Variants in KIF26B observed in about 807,000 individuals in gnomAD.
KIF26B encodes the protein kinesin family member 26B.
Under a neutral mutation model 151.2 loss-of-function variants are expected in KIF26B, and 63 were observed. The observed-to-expected ratio is 0.42, with a 90% CI of 0.34 to 0.51. The LOEUF is 0.51. KIF26B is among the 20% of genes least tolerant of loss of function. The pLI is 0.07. For synonymous variants in KIF26B, 1,357 were observed against 1,262.1 expected, an observed-to-expected ratio of 1.08 and a Z score of -1.59; for missense variants, 2,813 against 2,913.6, an observed-to-expected ratio of 0.97 and a Z score of 0.79.
chr1:245,338,380 C>G (rs1447192761), intron 2 of KIF26B, among the ~76,000 whole-genome samples: 1 of 152,176 alleles, frequency 6.6e-6, no homozygotes, highest in African/African-American at 2.4e-5. Flanking sequence ...TTCCTCCTTC[C>G]CCTCAGCAGA....
At chr1:245,494,752 C>T (rs1429871719) in intron 4 of KIF26B, among the ~76,000 whole-genome samples, 1 of 152,038 alleles carries the variant, frequency 6.6e-6, no homozygotes, top group Non-Finnish European at 1.5e-5. Context: ...TAAAAAGAAA[C>T]TGGGGCCAGG....
At chr1:245,196,671 T>C (rs1465332409) in intron 2 of KIF26B, among the ~76,000 whole-genome samples, 1 of 152,144 alleles carries the variant, frequency 6.6e-6, no homozygotes, top group Non-Finnish European at 1.5e-5. Flanking sequence ...CTCAGAATTC[T>C]CCCTTGGATA....
intron 3 of KIF26B, among the ~76,000 whole-genome samples, chr1:245,391,672 A>G (rs819878): frequency 0.42 from 61,194 of 147,328 alleles, 14,651 homozygotes; most frequent in South Asian, 0.62. Context: ...AAAAAAAAAA[A>G]AGAGAGAGAT....
intron 4 of KIF26B, among the ~76,000 whole-genome samples, chr1:245,531,844 T>A (rs1661367976): frequency 6.6e-6 from 1 of 152,150 alleles, no homozygotes; most frequent in Admixed American, 6.5e-5. Flanking sequence ...CACCTGTTAT[T>A]CCTGCACTTT....
intron 3 of KIF26B, among the ~76,000 whole-genome samples, chr1:245,408,441 G>A (rs148285799): frequency 1.2e-3 from 162 of 136,154 alleles, no homozygotes; most frequent in African/African-American, 3.9e-3. Context: ...TGCAACCTCC[G>A]CCTCCTGGGT....
chr1:245,627,118 T>C (rs2043732182), intron 9 of KIF26B, among the ~76,000 whole-genome samples: 1 of 152,222 alleles, frequency 6.6e-6, no homozygotes, highest in Non-Finnish European at 1.5e-5. Context: ...TACCAGCCTG[T>C]TTTATGTTAC....
chr1:245,157,311 GC>G (rs1249182743), intron 2 of KIF26B, among the ~76,000 whole-genome samples: 5 of 152,172 alleles, frequency 3.3e-5, no homozygotes, highest in Non-Finnish European at 7.3e-5. Context: ...TGTGTGACTG[GC>G]CCGAGCCCCC....
rs138853411 is a variant in KIF26B, at chr1:245,162,375, CTTTTTTTTTTT to C, written c.465+5710_465+5720del. Among the ~76,000 whole-genome samples the C allele has an allele frequency of 1.0e-4, 8 of 76,494 alleles. 1 individual carries two copies. The highest frequency in any genetic ancestry group is 7.5e-4 in the South Asian group (1 of 1,326). The allele number at this position is 76,494 out of a possible 152,430, so 50.2% of individuals were successfully genotyped here. ...CTATAGATGCACCCATCAGAAATAT[CTTTTTTTTTTT>C]TTTTTTTTTTTTTTTTTGAGACGGA... On this transcript the variant is annotated intron_variant, in intron 2 of 14. Transcript: ENST00000407071.
intron 3 of KIF26B, among the ~76,000 whole-genome samples, chr1:245,374,097 ATATATATATATATATATATATAT>A (rs1673211323): frequency 1.4e-4 from 1 of 7,132 alleles, no homozygotes; most frequent in African/African-American, 5.5e-4. Flanking sequence ...AAAAAAAAAT[ATATATATATATATATATATATAT>A]ATATATATAT....
In KIF26B at chr1:245,203,255, A is replaced by AAAAAAAAAAAAAAAG. The variant is rs61541280; in HGVS notation, c.465+46576_465+46577insAAAAAAAAAAGAAAA. ...GAGCGCGACTCTGTCTCAAAAAAAA[A>AAAAAAAAAAAAAAAG]AAAAGAAAATGAGTTAAAGTTACAA... On this transcript the variant is annotated intron_variant, in intron 2 of 14. Coordinates refer to ENST00000407071, the MANE Select transcript of KIF26B (RefSeq NM_018012.4). Among the ~76,000 whole-genome samples the AAAAAAAAAAAAAAAG allele has an allele frequency of 1.7e-3, 220 of 129,640 alleles. 4 individuals carry two copies. The highest frequency in any genetic ancestry group is 2.1e-3 in the Non-Finnish European group (135 of 63,588). 85.0% of individuals were successfully genotyped at this position (129,640 alleles called of 152,430 possible).
At chr1:245,207,732 G>A (rs978130715) in intron 2 of KIF26B, among the ~76,000 whole-genome samples, 1 of 152,120 alleles carries the variant, frequency 6.6e-6, no homozygotes, top group Non-Finnish European at 1.5e-5. Flanking sequence ...TAAGTTGGTA[G>A]TTTCCACTTT....
intron 4 of KIF26B, among the ~76,000 whole-genome samples, chr1:245,524,312 T>C (rs2103092688): frequency 6.6e-6 from 1 of 152,336 alleles, no homozygotes. Flanking sequence ...GTTACCGTTA[T>C]TTTCATCCAC....
chr1:245,596,508 A>C (rs1200660443), intron 5 of KIF26B, among the ~76,000 whole-genome samples: 4 of 152,156 alleles, frequency 2.6e-5, no homozygotes, highest in African/African-American at 9.7e-5. Context: ...ATTTGATTGC[A>C]GTGTGGTCTG....
chr1:245,569,526 G>C (rs2043043893), intron 5 of KIF26B, among the ~76,000 whole-genome samples: 1 of 151,970 alleles, frequency 6.6e-6, no homozygotes, highest in Non-Finnish European at 1.5e-5. Flanking sequence ...AGAATTGCTT[G>C]AACCTGGGAG....
chr1:245,500,071 T>C (rs2103078328), intron 4 of KIF26B, among the ~76,000 whole-genome samples: 1 of 152,288 alleles, frequency 6.6e-6, no homozygotes, highest in Middle Eastern at 3.4e-3. Flanking sequence ...CTAAGAACGG[T>C]GGAAGGTTTT....
intron 2 of KIF26B, among the ~76,000 whole-genome samples, chr1:245,343,490 G>C (rs1190510945): frequency 6.6e-6 from 1 of 152,088 alleles, no homozygotes; most frequent in Non-Finnish European, 1.5e-5. Context: ...AACGAAGGCT[G>C]CTATGAAAAT....
In KIF26B at chr1:245,652,511, G is replaced by A. The variant is rs112302237; in HGVS notation, c.2258+6231G>A. Among the ~76,000 whole-genome samples the A allele has an allele frequency of 6.0e-3, 915 of 152,078 alleles. 10 individuals carry two copies. The highest frequency in any genetic ancestry group is 0.021 in the African/African-American group (851 of 41,466). On this transcript the variant is annotated intron_variant, in intron 10 of 14. Transcript: ENST00000407071. ...AGCTCTGTTTGCTTCCTTGGCTAGC[G>A]GTATCTTCATATTTAGCTATAGAAA...
intron 4 of KIF26B, among the ~76,000 whole-genome samples, chr1:245,420,053 C>T (rs375630821): frequency 7.9e-5 from 12 of 152,204 alleles, no homozygotes; most frequent in Middle Eastern, 3.4e-3. Context: ...GCCCCAGGGT[C>T]GAGAGTCGCT....
At chr1:245,203,120 G>A (rs1276807766) in intron 2 of KIF26B, among the ~76,000 whole-genome samples, 5 of 150,414 alleles carry the variant, frequency 3.3e-5, no homozygotes, top group Admixed American at 6.7e-5. Context: ...GGTGGTGTGC[G>A]CCTATAGTCC....
Sources: allele counts gnomAD v4.1 joint callset (sites outside exome capture counted in the v4.1 genomes callset), GRCh38; gene constraint gnomAD v4.1.1; transcripts MANE v1.5; gene names NCBI Gene and HGNC (gene_info 2026-07-23, HGNC 2026-07-21).